Variants in LRRFIP2 observed in about 807,000 individuals in gnomAD.
The protein encoded by LRRFIP2 is leucine-rich repeat flightless-interacting protein 2.
LRRFIP2 carries 109 observed loss-of-function variants against 125.9 expected under a neutral mutation model. That is an observed-to-expected ratio of 0.87 (90% confidence interval 0.74 to 1.01). The LOEUF (loss-of-function observed/expected upper bound fraction) is 1.01. Among genes scored for constraint, LRRFIP2 ranks in the 50% least tolerant of loss-of-function variants. The pLI is 0.00. For synonymous variants in LRRFIP2, 291 were observed against 293.1 expected, an observed-to-expected ratio of 0.99 and a Z score of 0.07; for missense variants, 850 against 862.3, an observed-to-expected ratio of 0.99 and a Z score of 0.18.
In LRRFIP2 at chr3:37,102,937, G is replaced by A. The variant is rs370862034; in HGVS notation, c.860C>T (p.Pro287Leu). The change falls in exon 15 of 28, where the codon CCA (proline) becomes CTA (leucine). Residue 287 changes from proline (P) to leucine (L), a missense_variant. Coordinates refer to ENST00000336686, the MANE Select transcript of LRRFIP2 (RefSeq NM_006309.4). ...VVSEVDDISI[P>L]DLSSLDEKSD... The stretch of plus-strand genomic sequence containing the variant: ...CAATACACTCACGCTGGACAAATCT[G>A]GGATACTGATATCATCCACCTCAGA... 83 of 1,560,058 alleles carry A rather than the reference G, an allele frequency of 5.3e-5. No individual in the cohort carries two copies. Among genetic ancestry groups the A allele is most frequent in the Middle Eastern group, 5.0e-4 (3 of 6,022 alleles).
chr3:37,055,537 G>GC (rs1448828340), intron 25 of LRRFIP2, among the ~76,000 whole-genome samples: 4 of 152,124 alleles, frequency 2.6e-5, no homozygotes, highest in Non-Finnish European at 4.4e-5. Context: ...CTGCACTCCA[G>GC]CCTGGCAACA....
At chr3:37,141,165 A>G (rs1382558892) in intron 2 of LRRFIP2, among the ~76,000 whole-genome samples, 7 of 152,196 alleles carry the variant, frequency 4.6e-5, no homozygotes, top group Non-Finnish European at 8.8e-5. Context: ...AATAAATGGA[A>G]AACTATAACA....
At chr3:37,129,885 T>G (rs992282147) in intron 2 of LRRFIP2, among the ~76,000 whole-genome samples, 2 of 152,168 alleles carry the variant, frequency 1.3e-5, no homozygotes, top group Non-Finnish European at 2.9e-5. Context: ...CCCAGCTACT[T>G]GGGTGGCTGA....
intron 1 of LRRFIP2, among the ~76,000 whole-genome samples, chr3:37,167,677 A>G (rs1362867897): frequency 2.0e-5 from 3 of 148,986 alleles, no homozygotes; most frequent in Non-Finnish European, 3.0e-5. Context: ...AGAAAGAAAG[A>G]AAAAAGAAAA....
At chr3:37,091,377 T>C in intron 18 of LRRFIP2, 90 bp downstream of exon 18, 1 of 899,382 alleles carries the variant, frequency 1.1e-6, no homozygotes, top group Non-Finnish European at 1.7e-6. Context: ...AGTAAAGCTA[T>C]GTGCAGTTGG....
chr3:37,071,924 GC>G (rs2091266638), intron 21 of LRRFIP2, among the ~76,000 whole-genome samples: 1 of 152,072 alleles, frequency 6.6e-6, no homozygotes, highest in African/African-American at 2.4e-5. Context: ...TACCTGCAAG[GC>G]TTAGCAAAAC....
chr3:37,153,766 A>G (rs2096097516), intron 1 of LRRFIP2, among the ~76,000 whole-genome samples: 1 of 152,146 alleles, frequency 6.6e-6, no homozygotes. Flanking sequence ...GGAAATAGGA[A>G]GAACTTCCTG....
intron 1 of LRRFIP2, among the ~76,000 whole-genome samples, chr3:37,170,058 C>T: frequency 6.6e-6 from 1 of 152,082 alleles, no homozygotes; most frequent in East Asian, 1.9e-4. Flanking sequence ...ATTTTTTCTC[C>T]TCACACTGAA....
chr3:37,166,642 G>A (rs1170779977), intron 1 of LRRFIP2, among the ~76,000 whole-genome samples: 3 of 151,680 alleles, frequency 2.0e-5, no homozygotes, highest in African/African-American at 4.8e-5. Context: ...AGTATTGCTC[G>A]AGCCCAGGAG....
chr3:37,131,760 C>T (rs181748054), intron 2 of LRRFIP2, among the ~76,000 whole-genome samples: 1 of 152,238 alleles, frequency 6.6e-6, no homozygotes, highest in Non-Finnish European at 1.5e-5. Context: ...CATCTCTGCC[C>T]TAAAGCAGCT....
chr3:37,078,282 C>A (rs1397648122), intron 19 of LRRFIP2, among the ~76,000 whole-genome samples: 1 of 152,058 alleles, frequency 6.6e-6, no homozygotes, highest in South Asian at 2.1e-4. Context: ...TTTCAAGTAA[C>A]TTCTAAAAAC....
intron 18 of LRRFIP2, among the ~76,000 whole-genome samples, chr3:37,086,069 G>C (rs1347861889): frequency 6.6e-6 from 1 of 152,158 alleles, no homozygotes. Context: ...CAAGGACCTG[G>C]ATATTTCTCC....
chr3:37,120,572 T>C (rs1311799427), intron 6 of LRRFIP2, among the ~76,000 whole-genome samples: 2 of 152,060 alleles, frequency 1.3e-5, no homozygotes, highest in Non-Finnish European at 2.9e-5. Flanking sequence ...TTTGTGAATA[T>C]AAACATGTCA....
chr3:37,110,466 T>C (rs1468728082), intron 9 of LRRFIP2, among the ~76,000 whole-genome samples: 1 of 152,214 alleles, frequency 6.6e-6, no homozygotes, highest in Non-Finnish European at 1.5e-5. Context: ...GTGTCTTAAA[T>C]GTATGATGTG....
chr3:37,055,425 G>A (rs1478515369), intron 25 of LRRFIP2, among the ~76,000 whole-genome samples: 2 of 152,154 alleles, frequency 1.3e-5, no homozygotes, highest in Non-Finnish European at 2.9e-5. Context: ...AATTAGCTGG[G>A]CGTGGTGGCA....
At position 37,091,433 on chromosome 3, in the gene LRRFIP2, G is replaced by GA. The variant is rs755435952; in HGVS notation, c.1107+33dup. ...ACCATTGCCAACACTTCTGCATACA[G>GA]AGCATGCTTGGGCTGCAGAATGGGC... On this transcript the variant is annotated intron_variant, in intron 18 of 27. Coordinates refer to ENST00000336686, the MANE Select transcript of LRRFIP2 (RefSeq NM_006309.4). 7 of 1,556,364 alleles carry GA rather than the reference G, an allele frequency of 4.5e-6. No individual in the cohort carries two copies. The African/African-American group carries it at 6.8e-5, about 15-fold the overall frequency.
At position 37,083,782 on chromosome 3, in the gene LRRFIP2, T is replaced by C. The variant is rs903871191; in HGVS notation, c.1132A>G (p.Lys378Glu). The C allele has an allele frequency of 1.8e-5, 28 of 1,589,758 alleles. No homozygotes were observed. Among genetic ancestry groups the C allele is most frequent in the Non-Finnish European group, 2.2e-5 (26 of 1,172,808 alleles). Residue 378 changes from lysine (K) to glutamate (E), a missense_variant, in exon 19 of 28, where the codon AAA becomes GAA. Coordinates refer to ENST00000336686, the MANE Select transcript of LRRFIP2 (RefSeq NM_006309.4). ...TTGGAAACCATGGCTTTCTTGTATT[T>C]TTCTTCCACTTCAGACAAAGATTCC... ...LKESLSEVEE[K>E]YKKAMVSNAQ...
At chr3:37,128,917 G>A in intron 3 of LRRFIP2, 146 bp downstream of exon 3, 1 of 701,752 alleles carries the variant, frequency 1.4e-6, no homozygotes, top group Non-Finnish European at 2.4e-6. Context: ...TTAATTTGCT[G>A]GCACAGAATG....
chr3:37,157,727 A>G (rs578063720), intron 1 of LRRFIP2, among the ~76,000 whole-genome samples: 1 of 152,202 alleles, frequency 6.6e-6, no homozygotes, highest in Admixed American at 6.5e-5. Context: ...AAATATATAC[A>G]GGCAAAACTG....
Sources: gnomAD v4.1 joint callset for allele counts (sites outside exome capture counted in the v4.1 genomes callset) on GRCh38, gnomAD v4.1.1 for gene constraint, MANE v1.5 for transcripts, NCBI Gene and HGNC (gene_info 2026-07-23, HGNC 2026-07-21) for gene names.